ADK: variants seen among roughly 807,000 people sequenced by gnomAD.
ADK encodes the protein adenosine kinase.
A neutral mutation model predicts 44.7 loss-of-function variants in ADK; 24 were observed. That is an observed-to-expected ratio of 0.54 (90% CI 0.39 to 0.76). The LOEUF is 0.76. Among genes scored for constraint, ADK ranks in the 30% least tolerant of loss-of-function variants. The probability of loss-of-function intolerance (pLI) is 0.00; values close to 1 mark genes in which losing one functional copy is unlikely to be tolerated. For missense variants in ADK, 321 were observed against 425.1 expected (o/e 0.76, Z 2.15); for synonymous variants, 128 against 142.6 (o/e 0.90, Z 0.73).
intron 6 of ADK, among the ~76,000 whole-genome samples, chr10:74,447,718 G>C (rs1404024678): frequency 6.6e-6 from 1 of 152,074 alleles, no homozygotes; most frequent in African/African-American, 2.4e-5. Flanking sequence ...GATCATGATA[G>C]CACTTACCTC....
At chr10:74,262,929 CTTG>C (rs555110634) in intron 3 of ADK, among the ~76,000 whole-genome samples, 119 of 152,282 alleles carry the variant, frequency 7.8e-4, no homozygotes, top group Non-Finnish European at 1.5e-3. Flanking sequence ...AACAGAGTGT[CTTG>C]TTGTGGCAGA....
At chr10:74,379,022 A>G (rs1165102463) in intron 4 of ADK, among the ~76,000 whole-genome samples, 1 of 152,130 alleles carries the variant, frequency 6.6e-6, no homozygotes, top group Non-Finnish European at 1.5e-5. Flanking sequence ...ATAGTAGACA[A>G]TGGAGTTAGA....
chr10:74,414,597 G>A (rs867613448), intron 6 of ADK, among the ~76,000 whole-genome samples: 3 of 152,078 alleles, frequency 2.0e-5, no homozygotes, highest in African/African-American at 2.4e-5. Context: ...TTAGCCGGGC[G>A]TGGTGGCGCA....
intron 6 of ADK, among the ~76,000 whole-genome samples, chr10:74,431,829 C>T (rs1484139497): frequency 2.0e-5 from 3 of 151,738 alleles, no homozygotes; most frequent in African/African-American, 7.3e-5. Context: ...CAATAAGATA[C>T]ATTTATCTCT....
chr10:74,676,399 G>A (rs946227193), intron 10 of ADK, among the ~76,000 whole-genome samples: 5 of 152,188 alleles, frequency 3.3e-5, no homozygotes, highest in African/African-American at 1.2e-4. Flanking sequence ...CAAAGTGCTG[G>A]ATTTACAGGT....
intron 1 of ADK, among the ~76,000 whole-genome samples, chr10:74,157,564 T>G (rs1488930192): frequency 6.6e-6 from 1 of 151,890 alleles, no homozygotes; most frequent in African/African-American, 2.4e-5. Flanking sequence ...CCCAGATGTA[T>G]CACAGAGAAA....
chr10:74,631,282 T>A (rs116107534), intron 9 of ADK, among the ~76,000 whole-genome samples: 4,086 of 149,536 alleles, frequency 0.027, 82 homozygotes, highest in Middle Eastern at 0.051. Flanking sequence ...TTATTTATTT[T>A]TTTTTTTTTG....
intron 1 of ADK, chr10:74,176,792 T>C: frequency 6.3e-7 from 1 of 1,593,706 alleles, no homozygotes; most frequent in South Asian, 1.1e-5. Context: ...CGGGAAGCAG[T>C]TGCTGTGGTA....
intron 6 of ADK, among the ~76,000 whole-genome samples, chr10:74,481,675 A>G (rs1271380212): frequency 6.6e-6 from 1 of 152,114 alleles, no homozygotes; most frequent in East Asian, 1.9e-4. Flanking sequence ...AATGTCTTGT[A>G]TGTGTCATTT....
At position 74,595,176 on chromosome 10, in the gene ADK, CAAAAAAAAAA is replaced by C. The variant is rs781407492; in HGVS notation, c.763-5191_763-5182del. Reference sequence around the variant, plus strand: ...GGGCAACAAGAGCCAAACTCCATCTCAAAAAAAAAAAAAAAAAAAAAGGCTCTATGACTTT... The same window carrying C: ...GGGCAACAAGAGCCAAACTCCATCTCAAAAAAAAAAAGGCTCTATGACTTT... On this transcript the variant is annotated intron_variant, in intron 8 of 10. Transcript: ENST00000539909. Among the ~76,000 whole-genome samples, 4 of 29,608 alleles carry C rather than the reference CAAAAAAAAAA, an allele frequency of 1.4e-4. No individual in the cohort carries two copies. In the South Asian group the frequency reaches 4.4e-3, roughly 32 times the overall value. 19.4% of individuals were successfully genotyped at this position (29,608 alleles called of 152,430 possible).
intron 8 of ADK, among the ~76,000 whole-genome samples, chr10:74,593,106 A>G (rs899273594): frequency 1.4e-5 from 2 of 143,166 alleles, no homozygotes; most frequent in Admixed American, 6.7e-5. Flanking sequence ...GTTCTTCACA[A>G]ATATAAATAG....
intron 3 of ADK, among the ~76,000 whole-genome samples, chr10:74,271,042 T>G (rs115492387): frequency 1.3e-5 from 2 of 152,198 alleles, no homozygotes; most frequent in South Asian, 2.1e-4. Flanking sequence ...AGCGGTAATG[T>G]AGTCTTCTAT....
At chr10:74,460,354 T>C (rs1393504524) in intron 6 of ADK, among the ~76,000 whole-genome samples, 4 of 152,308 alleles carry the variant, frequency 2.6e-5, no homozygotes. Flanking sequence ...GGGGGTCATT[T>C]CTTGTGCTTA....
intron 10 of ADK, among the ~76,000 whole-genome samples, chr10:74,707,306 G>C (rs975072083): frequency 6.6e-6 from 1 of 152,164 alleles, no homozygotes; most frequent in African/African-American, 2.4e-5. Context: ...AGAGTGCTGG[G>C]ATTATAGGCA....
Position 74,708,513 on chromosome 10 carries a change from A to G in ADK, c.*68A>G. The G allele has an allele frequency of 6.4e-7, 1 of 1,560,132 alleles. No individual in the cohort carries two copies. Among genetic ancestry groups the G allele is most frequent in the Non-Finnish European group, 8.7e-7 (1 of 1,150,010 alleles). Reference sequence around the variant, plus strand: ...CTAATTGCTTCCTGAGAATTCCCATATTAATAAAGAAGAAAATTATCTGCC... The same window carrying G: ...CTAATTGCTTCCTGAGAATTCCCATGTTAATAAAGAAGAAAATTATCTGCC... On this transcript the variant is annotated 3_prime_UTR_variant, in exon 11 of 11. Transcript: ENST00000539909.
rs1002390937 is a variant in ADK, at chr10:74,541,690, G to A, written c.726+16264G>A. On this transcript the variant is annotated intron_variant, in intron 7 of 10. Transcript: ENST00000539909. ...TTCCTGTAGTCCCAACTACTTGGGA[G>A]GCTGAGGCAGGAGGATTGCTTGAGC... Among the ~76,000 whole-genome samples the A allele has an allele frequency of 5.3e-5, 8 of 151,816 alleles. No individual in the cohort carries two copies. The East Asian group carries it at 1.6e-3, about 29-fold the overall frequency.
chr10:74,284,385 C>T (rs1237430109), intron 3 of ADK, among the ~76,000 whole-genome samples: 1 of 151,812 alleles, frequency 6.6e-6, no homozygotes, highest in African/African-American at 2.4e-5. Flanking sequence ...CTGCCTCAGC[C>T]TCCCAAGTAG....
chr10:74,373,478 A>G (rs1460945780), intron 4 of ADK, among the ~76,000 whole-genome samples: 1 of 152,194 alleles, frequency 6.6e-6, no homozygotes, highest in Non-Finnish European at 1.5e-5. Flanking sequence ...TGAAAAGACA[A>G]ATAACTCACT....
At chr10:74,349,133 T>C (rs746684495) in intron 4 of ADK, among the ~76,000 whole-genome samples, 12 of 151,734 alleles carry the variant, frequency 7.9e-5, no homozygotes, top group Non-Finnish European at 1.5e-4. Flanking sequence ...AAGGTTGAAA[T>C]GAAGGAAAAA....
Sources: gnomAD v4.1 joint callset for allele counts (sites outside exome capture counted in the v4.1 genomes callset) on GRCh38, gnomAD v4.1.1 for gene constraint, MANE v1.5 for transcripts, NCBI Gene and HGNC (gene_info 2026-07-23, HGNC 2026-07-21) for gene names.